MINDY4: variants seen among roughly 807,000 people sequenced by gnomAD.
MINDY4 encodes MINDY lysine 48 deubiquitinase 4, also known as probable ubiquitin carboxyl-terminal hydrolase MINDY-4.
In MINDY4, 68 loss-of-function variants were observed where a neutral mutation model predicts 87.0. That is an observed-to-expected ratio of 0.78 (90% CI 0.64 to 0.96). The LOEUF (loss-of-function observed/expected upper bound fraction) is 0.96, where lower values mean the gene tolerates loss of function less well. Ranked by LOEUF, MINDY4 falls within the 40% of genes least tolerant of loss-of-function variation. MINDY4 has a pLI of 0.00. For missense variants in MINDY4, 919 were observed against 928.2 expected (o/e 0.99, Z 0.13); for synonymous variants, 379 against 363.2 (o/e 1.04, Z -0.50).
intron 6 of MINDY4, among the ~76,000 whole-genome samples, chr7:30,835,425 A>G (rs1489056995): frequency 1.3e-5 from 2 of 152,216 alleles, no homozygotes; most frequent in African/African-American, 2.4e-5. Context: ...CATGGGAATT[A>G]TGGGAGTTAC....
At chr7:30,872,406 T>A in intron 14 of MINDY4, 100 bp downstream of exon 14, 1 of 1,132,572 alleles carries the variant, frequency 8.8e-7, no homozygotes, top group Non-Finnish European at 1.3e-6. Context: ...AAAAGACAAG[T>A]CTTTCTTGCC....
intron 12 of MINDY4, among the ~76,000 whole-genome samples, chr7:30,855,328 G>A (rs1789536868): frequency 6.6e-6 from 1 of 152,256 alleles, no homozygotes. Context: ...TAGGCAGTCT[G>A]AAGGAGCAGA....
chr7:30,841,533 T>C (rs1285921553), intron 9 of MINDY4, among the ~76,000 whole-genome samples: 1 of 152,180 alleles, frequency 6.6e-6, no homozygotes, highest in Non-Finnish European at 1.5e-5. Flanking sequence ...CGAGGCCTTC[T>C]TGAGGAAGTG....
intron 10 of MINDY4, 45 bp from the exon 11 acceptor site, chr7:30,852,171 C>A (rs115906839): frequency 1.2e-6 from 2 of 1,611,760 alleles, no homozygotes; most frequent in Admixed American, 1.7e-5. Flanking sequence ...GAGGGCACGC[C>A]TTCTCTCCAC....
At chr7:30,826,042 A>G (rs1208303912) in intron 5 of MINDY4, among the ~76,000 whole-genome samples, 1 of 152,142 alleles carries the variant, frequency 6.6e-6, no homozygotes, top group African/African-American at 2.4e-5. Context: ...AATCACTCCA[A>G]TCTCTGCTTC....
chr7:30,872,314 G>T lies in MINDY4; in HGVS notation c.1809+8G>T. On this transcript the variant is annotated splice_region_variant and intron_variant, in intron 14 of 17. Coordinates refer to ENST00000265299, the MANE Select transcript of MINDY4 (RefSeq NM_032222.3). ...CATGGCTACTGTACACAGGTCAGGG[G>T]GCGCTGTGGGGCCCAGGTGGTCCTT... 2 of 1,613,784 alleles carry T rather than the reference G, an allele frequency of 1.2e-6. No individual in the cohort carries two copies. Among genetic ancestry groups the T allele is most frequent in the Non-Finnish European group, 1.7e-6 (2 of 1,179,794 alleles).
chr7:30,791,972 G>A (rs1787338704), intron 5 of MINDY4, among the ~76,000 whole-genome samples: 1 of 152,138 alleles, frequency 6.6e-6, no homozygotes, highest in Admixed American at 6.5e-5. Flanking sequence ...GGCTGCATGT[G>A]GGCTGCGGGT....
At chr7:30,836,112 C>T (rs532465304) in intron 6 of MINDY4, among the ~76,000 whole-genome samples, 1 of 152,306 alleles carries the variant, frequency 6.6e-6, no homozygotes, top group Admixed American at 6.5e-5. Context: ...ATTACTTTCT[C>T]ATAAGGCTGT....
chr7:30,874,715 C>T (rs114459245), intron 14 of MINDY4, among the ~76,000 whole-genome samples: 1 of 152,324 alleles, frequency 6.6e-6, no homozygotes, highest in African/African-American at 2.4e-5. Context: ...TCCCACCTCT[C>T]TGCTTCTGTT....
chr7:30,812,276 G>A lies in MINDY4; in HGVS notation c.1074-16403G>A, dbSNP rs565282240. ...AATAATGTGTATGTGTGTTGAGGGGGGGGGGGTATGTATGTATGCATTGAG... is the reference window on the plus strand; with the variant it reads ...AATAATGTGTATGTGTGTTGAGGGGAGGGGGGTATGTATGTATGCATTGAG... On this transcript the variant is annotated intron_variant, in intron 5 of 17. Coordinates refer to ENST00000265299, the MANE Select transcript of MINDY4 (RefSeq NM_032222.3). Among the ~76,000 whole-genome samples the A allele has an allele frequency of 2.3e-3, 214 of 92,302 alleles. 4 individuals carry two copies. The highest frequency in any genetic ancestry group is 0.014 in the Middle Eastern group (3 of 212). The allele number at this position is 92,302 out of a possible 152,430, so 60.6% of individuals were successfully genotyped here.
chr7:30,833,219 C>T (rs992396191), intron 6 of MINDY4, among the ~76,000 whole-genome samples: 7 of 152,020 alleles, frequency 4.6e-5, no homozygotes, highest in Admixed American at 1.3e-4. Context: ...AAAAACATAC[C>T]CGAGATTGGG....
intron 13 of MINDY4, among the ~76,000 whole-genome samples, chr7:30,866,202 C>A (rs1024031060): frequency 6.6e-6 from 1 of 152,220 alleles, no homozygotes; most frequent in Non-Finnish European, 1.5e-5. Flanking sequence ...TCAAGACCCT[C>A]GGTCCTGTGT....
Position 30,830,015 on chromosome 7 carries a change from A to G in MINDY4, c.1132+1278A>G, listed in dbSNP as rs117203691. Among the ~76,000 whole-genome samples, 321 of 152,194 alleles carry G rather than the reference A, an allele frequency of 2.1e-3. 1 individual carries two copies. The highest frequency in any genetic ancestry group is 3.1e-3 in the Non-Finnish European group (214 of 68,006). On this transcript the variant is annotated intron_variant, in intron 6 of 17. Transcript: ENST00000265299. Reference sequence around the variant, plus strand: ...AGAAGAAGGTGAAGGATAGGAGGCCATGGAACCCAGTCACGGAGAGAGTTC... The same window carrying G: ...AGAAGAAGGTGAAGGATAGGAGGCCGTGGAACCCAGTCACGGAGAGAGTTC...
chr7:30,787,079 G>T (rs1276519086), intron 4 of MINDY4, among the ~76,000 whole-genome samples: 1 of 152,218 alleles, frequency 6.6e-6, no homozygotes. Flanking sequence ...AAAGAAGTGA[G>T]TCCTCTCCCT....
rs182146940 is a variant in MINDY4, at chr7:30,863,416, A to T, written c.1745+4092A>T. 3.5e-3 allele frequency among the ~76,000 whole-genome samples: 537 copies of T among 152,204 alleles called. 1 individual carries two copies. The highest frequency in any genetic ancestry group is 0.012 in the African/African-American group (511 of 41,526). ...ACTGTATGGCCGGGTGTGAGATGAC[A>T]TGGGTGTTGGTGGTTGTGTTGGAGA... On this transcript the variant is annotated intron_variant, in intron 13 of 17. Transcript: ENST00000265299.
chr7:30,797,812 A>G (rs1787536298), intron 5 of MINDY4, among the ~76,000 whole-genome samples: 1 of 152,166 alleles, frequency 6.6e-6, no homozygotes, highest in Non-Finnish European at 1.5e-5. Context: ...CAGTTAGGCA[A>G]CTGCAGTAGT....
intron 5 of MINDY4, among the ~76,000 whole-genome samples, chr7:30,804,353 G>A (rs1787744581): frequency 6.6e-6 from 1 of 152,132 alleles, no homozygotes; most frequent in Non-Finnish European, 1.5e-5. Context: ...CTCAGAAGTG[G>A]GGCCTTTTCC....
rs975607784 is a variant in MINDY4 at position 30,882,788 on chromosome 7, G to A, written c.2153-133G>A. The A allele has an allele frequency of 7.2e-5, 53 of 740,654 alleles. No homozygotes were observed. In the Admixed American group the frequency reaches 7.6e-4, roughly 11 times the overall value. 45.9% of individuals were successfully genotyped at this position (740,654 alleles called of 1,614,324 possible). ...AGGTGAGAATGGATGTCAGGGATGA[G>A]GGTGGGTCCAGTTGAGATGGAGAGG... is the stretch of plus-strand genomic sequence containing the variant. On this transcript the variant is annotated intron_variant, in intron 16 of 17. Coordinates refer to ENST00000265299, the MANE Select transcript of MINDY4 (RefSeq NM_032222.3).
chr7:30,780,667 A>G (rs1228755542), intron 2 of MINDY4: 3 of 152,198 alleles, frequency 2.0e-5, no homozygotes, highest in African/African-American at 7.2e-5. Flanking sequence ...ACTTGTTCTA[A>G]CCTCTTAGGT....
Sources: gnomAD v4.1 joint callset for allele counts (sites outside exome capture counted in the v4.1 genomes callset) on GRCh38, gnomAD v4.1.1 for gene constraint, MANE v1.5 for transcripts, NCBI Gene and HGNC (gene_info 2026-07-23, HGNC 2026-07-21) for gene names.